The following DNAAF8 variants were observed in gnomAD, a reference collection of about 807,000 sequenced individuals.
DNAAF8 encodes dynein axonemal assembly factor 8.
Under a neutral mutation model 54.6 loss-of-function variants are expected in DNAAF8, and 61 were observed. The observed-to-expected ratio is 1.12, with a 90% CI of 0.91 to 1.38. The LOEUF (loss-of-function observed/expected upper bound fraction) is 1.38, where lower values mean the gene tolerates loss of function less well. Ranked by LOEUF, DNAAF8 falls within the 40% of genes most tolerant of loss-of-function variation. The pLI is 0.00. For missense variants in DNAAF8, 837 were observed against 665.0 expected (o/e 1.26, Z -2.85); for synonymous variants, 320 against 270.1 (o/e 1.18, Z -1.81).
chr16:4,747,497 A>G lies in DNAAF8; in HGVS notation c.1435A>G (p.Met479Val), dbSNP rs1161937614. 1.9e-6 allele frequency: 3 copies of G among 1,613,252 alleles called. No homozygotes were observed. Among genetic ancestry groups the G allele is most frequent in the African/African-American group, 2.7e-5 (2 of 75,050 alleles). ...ATCACGAACTGGGAGGAAGCAACAC[A>G]TGAAGCTCTGTGCCAAGGGGCAGAG... ...AGSRTGRKQH[M>V]KLCAKGQSAQ... Residue 479 changes from methionine to valine, a missense_variant, in exon 9 of 10, where the codon ATG (methionine) becomes GTG (valine). Transcript: ENST00000299320.
rs557388054 is a variant in DNAAF8 at position 4,748,830 on chromosome 16, G to C, written c.*115G>C. Reference sequence around the variant, plus strand: ...AGCACAGTAGGGCGCCGGGCCTTTGGGACAGTGTCCCAGCTTCCCCTGGGG... The same window carrying C: ...AGCACAGTAGGGCGCCGGGCCTTTGCGACAGTGTCCCAGCTTCCCCTGGGG... On this transcript the variant is annotated 3_prime_UTR_variant, in exon 10 of 10. Coordinates refer to ENST00000299320, the MANE Select transcript of DNAAF8 (RefSeq NM_139170.3). 8.5e-5 allele frequency: 13 copies of C among 152,472 alleles called. No homozygotes were observed. Among genetic ancestry groups the C allele is most frequent in the African/African-American group, 2.6e-4 (11 of 41,594 alleles). The allele number at this position is 152,472 out of a possible 1,614,324, so 9.4% of individuals were successfully genotyped here. A position where few individuals can be genotyped will look rare whatever the true frequency, so the allele number is the denominator to read the frequency against.
At chr16:4,739,484 T>C (rs1203558220) in intron 3 of DNAAF8, among the ~76,000 whole-genome samples, 2 of 151,828 alleles carry the variant, frequency 1.3e-5, no homozygotes, top group East Asian at 3.9e-4. Flanking sequence ...GCCTTGTATT[T>C]AAATAGCAGG....
Position 4,740,570 on chromosome 16 carries a change from G to A in DNAAF8, c.694G>A (p.Glu232Lys), listed in dbSNP as rs35002791. ...PTSSDKGGVK[E>K]APCHAAESAP... is the part of the protein sequence containing the mutation. ...CAGCAGTGACAAAGGTGGGGTGAAG[G>A]AGGCGCCCTGCCACGCTGCGGAGTC... The change falls in exon 4 of 10, where the codon GAG (glutamate) becomes AAG (lysine). Residue 232 changes from glutamate to lysine, a missense_variant. Physicochemically the swap from Glu to Lys is moderately conservative, Grantham distance 56. Coordinates refer to ENST00000299320, the MANE Select transcript of DNAAF8 (RefSeq NM_139170.3). 6.2e-4 allele frequency: 993 copies of A among 1,613,826 alleles called. 6 individuals carry two copies. The African/African-American group carries it at 0.012, about 20-fold the overall frequency.
rs1197452606 is a variant in DNAAF8 at position 4,740,436 on chromosome 16, G to A, written c.560G>A (p.Ser187Asn). The A allele has an allele frequency of 3.1e-6, 5 of 1,613,922 alleles. No homozygotes were observed. The highest frequency in any genetic ancestry group is 4.5e-5 in the East Asian group (2 of 44,886). Residue 187 changes from serine (S) to asparagine (N), a missense_variant, in exon 4 of 10, where the codon AGC becomes AAC. Transcript: ENST00000299320. ...GGAGACCCAAAGGCAGAGCCCCTCA[G>A]CACTGCCTCACAAGAATCTGTGAAC... Reference protein sequence around the residue: ...HEGDPKAEPLSTASQESVNRR... With the variant: ...HEGDPKAEPLNTASQESVNRR...
chr16:4,739,422 T>C (rs1345380013), intron 3 of DNAAF8, among the ~76,000 whole-genome samples: 1 of 151,948 alleles, frequency 6.6e-6, no homozygotes, highest in East Asian at 1.9e-4. Context: ...AACATTATCA[T>C]GATTGATAAT....
chr16:4,739,718 G>C (rs1039688768), intron 3 of DNAAF8, among the ~76,000 whole-genome samples: 2 of 151,128 alleles, frequency 1.3e-5, no homozygotes, highest in African/African-American at 4.9e-5. Flanking sequence ...GCTCATTTTT[G>C]TATTTTTAGT....
chr16:4,748,151 A>G (rs2142216885), intron 9 of DNAAF8: 1 of 151,544 alleles, frequency 6.6e-6, no homozygotes, highest in Non-Finnish European at 1.5e-5. Context: ...GATCTAATAC[A>G]CGTGGTTTTT....
chr16:4,738,028 T>C, intron 3 of DNAAF8, 82 bp downstream of exon 3: 1 of 1,470,746 alleles, frequency 6.8e-7, no homozygotes, highest in East Asian at 2.3e-5. Flanking sequence ...TGTTCTAGCA[T>C]TTCCACGATA....
At chr16:4,737,694 C>CGGGCT (rs1390841323) in intron 2 of DNAAF8, 106 bp from the exon 3 acceptor site, 1 of 1,374,764 alleles carries the variant, frequency 7.3e-7, no homozygotes, top group Non-Finnish European at 1.0e-6. Context: ...ATGGGCTGGG[C>CGGGCT]GGGCTGGGCT....
At position 4,743,179 on chromosome 16, in the gene DNAAF8, G is replaced by C. The variant is rs2081974802; in HGVS notation, c.901+19G>C. On this transcript the variant is annotated intron_variant, in intron 5 of 9. Coordinates refer to ENST00000299320, the MANE Select transcript of DNAAF8 (RefSeq NM_139170.3). ...GTTCAAGGTCTGACCTTGAACACTG[G>C]AGCCCACGTGAATCCCCACAAGCAG... is the stretch of plus-strand genomic sequence containing the variant. 6.6e-7 allele frequency: 1 copy of C among 1,518,758 alleles called. No individual in the cohort carries two copies. The highest frequency in any genetic ancestry group is 9.0e-7 in the Non-Finnish European group (1 of 1,109,742). 94.1% of individuals were successfully genotyped at this position (1,518,758 alleles called of 1,614,324 possible). A position where few individuals can be genotyped will look rare whatever the true frequency, so the allele number is the denominator to read the frequency against.
Position 4,737,804 on chromosome 16 carries a change from A to C in DNAAF8, c.134A>C (p.Asp45Ala), listed in dbSNP as rs1596481429. 13 of 1,613,998 alleles carry C rather than the reference A, an allele frequency of 8.1e-6. No individual in the cohort carries two copies. In the East Asian group the frequency reaches 2.9e-4, roughly 36 times the overall value. The part of the protein sequence containing the change: ...PSLDSDSPLS[D>A]YGEEELFIFQ... ...AGCCCTCTCATTTGTCCACAGTCGG[A>C]CTATGGGGAAGAGGAGCTGTTCATC... The change falls in exon 3 of 10, where the codon GAC becomes GCC. Residue 45 changes from aspartate to alanine, a missense_variant. Asp to Ala is a moderately radical substitution (Grantham distance 126). Coordinates refer to ENST00000299320, the MANE Select transcript of DNAAF8 (RefSeq NM_139170.3).
intron 1 of DNAAF8, among the ~76,000 whole-genome samples, chr16:4,735,768 G>A (rs1238154807): frequency 6.6e-6 from 1 of 152,108 alleles, no homozygotes; most frequent in Non-Finnish European, 1.5e-5. Flanking sequence ...GACCAGCCTG[G>A]GCAACAGGGA....
chr16:4,736,629 T>C lies in DNAAF8; in HGVS notation c.115T>C (p.Ser39Pro). The C allele has an allele frequency of 1.3e-6, 2 of 1,574,744 alleles. No homozygotes were observed. The highest frequency in any genetic ancestry group is 1.7e-6 in the Non-Finnish European group (2 of 1,159,558). ...CAAAGACCAGCTCCCGTCTCTGGAC[T>C]CAGACTCCCCTTTGGTAAGCAAGAA... is the stretch of plus-strand genomic sequence containing the variant. ...AVKDQLPSLD[S>P]DSPLSDYGEE... The change falls in exon 2 of 10, where the codon TCA (serine) becomes CCA (proline). Residue 39 changes from serine (S) to proline (P), a missense_variant. Coordinates refer to ENST00000299320, the MANE Select transcript of DNAAF8 (RefSeq NM_139170.3).
chr16:4,744,903 T>C lies in DNAAF8; in HGVS notation c.935T>C (p.Met312Thr). The change falls in exon 6 of 10, where the codon ATG (methionine) becomes ACG (threonine). Residue 312 changes from methionine (M) to threonine (T), a missense_variant. Met to Thr is a moderately conservative substitution (Grantham distance 81, BLOSUM62 -1). Transcript: ENST00000299320. ...GTGCCGAGCGCCCACAACAGGCTCATGGAACAGCTGGCCCTCCTGTGCACC... is the reference window on the plus strand; with the variant it reads ...GTGCCGAGCGCCCACAACAGGCTCACGGAACAGCTGGCCCTCCTGTGCACC... ...RMVPSAHNRL[M>T]EQLALLCTTQ... 6.2e-7 allele frequency: 1 copy of C among 1,613,846 alleles called. No homozygotes were observed. Among genetic ancestry groups the C allele is most frequent in the East Asian group, 2.2e-5 (1 of 44,878 alleles).
At chr16:4,744,787 C>T (rs546182143) in intron 5 of DNAAF8, 83 bp from the exon 6 acceptor site, 4 of 1,489,072 alleles carry the variant, frequency 2.7e-6, no homozygotes, top group Non-Finnish European at 3.7e-6. Context: ...TGTGGAGACC[C>T]CAGGGGTCCT....
intron 3 of DNAAF8, among the ~76,000 whole-genome samples, chr16:4,739,549 T>C (rs1480853257): frequency 7.9e-6 from 1 of 127,162 alleles, no homozygotes; most frequent in African/African-American, 3.0e-5. Flanking sequence ...GCTTTCCAAC[T>C]TTTTTTTTTT....
intron 4 of DNAAF8, 107 bp from the exon 5 acceptor site, chr16:4,742,936 C>T: frequency 1.1e-6 from 1 of 909,878 alleles, no homozygotes; most frequent in Middle Eastern, 2.2e-4. Context: ...GATTTCTACC[C>T]CCAACATCCT....
Position 4,740,674 on chromosome 16 carries a change from G to A in DNAAF8, c.783+15G>A, listed in dbSNP as rs372709528. ...TCTCGCTCCAGGTAGGCGCCTCCCCGTGCCTGGCTGTTTCTCAGGCCTGTT... is the reference window on the plus strand; with the variant it reads ...TCTCGCTCCAGGTAGGCGCCTCCCCATGCCTGGCTGTTTCTCAGGCCTGTT... On this transcript the variant is annotated intron_variant, in intron 4 of 9. Transcript: ENST00000299320. The A allele has an allele frequency of 6.2e-5, 97 of 1,562,268 alleles. No individual in the cohort carries two copies. The highest frequency in any genetic ancestry group is 8.2e-5 in the African/African-American group (6 of 73,560).
At chr16:4,746,147 CAGAT>C (rs2082014760) in intron 6 of DNAAF8, 1 of 478,882 alleles carries the variant, frequency 2.1e-6, no homozygotes. Context: ...ACACTTACCA[CAGAT>C]AGAGAGCATG....
Sources: allele counts gnomAD v4.1 joint callset (sites outside exome capture counted in the v4.1 genomes callset), GRCh38; gene constraint gnomAD v4.1.1; transcripts MANE v1.5; gene names NCBI Gene and HGNC (gene_info 2026-07-23, HGNC 2026-07-21).